The following LHFPL3 variants were observed in gnomAD, a reference collection of about 807,000 sequenced individuals.
The protein encoded by LHFPL3 is LHFPL tetraspan subfamily member 3 protein.
A neutral mutation model predicts 19.3 loss-of-function variants in LHFPL3; 5 were observed. The observed-to-expected ratio is 0.26, with a 90% CI of 0.14 to 0.54. The LOEUF is 0.54. Among genes scored for constraint, LHFPL3 ranks in the 20% least tolerant of loss-of-function variants. The pLI, the probability that LHFPL3 is intolerant of heterozygous loss-of-function variation, is 0.94. For missense variants in LHFPL3, 249 were observed against 307.4 expected (o/e 0.81, Z 1.42); for synonymous variants, 133 against 126.2 (o/e 1.05, Z -0.36).
intron 1 of LHFPL3, among the ~76,000 whole-genome samples, chr7:104,517,820 A>T (rs1373191508): frequency 6.6e-6 from 1 of 152,062 alleles, no homozygotes; most frequent in Non-Finnish European, 1.5e-5. Context: ...TTGCATTATT[A>T]TAACACAATT....
intron 1 of LHFPL3, among the ~76,000 whole-genome samples, chr7:104,612,465 A>G (rs1267935864): frequency 6.6e-6 from 1 of 152,188 alleles, no homozygotes; most frequent in Non-Finnish European, 1.5e-5. Context: ...GCACATCTCA[A>G]AAAGAAATGA....
At chr7:104,754,516 G>T (rs1396080479) in intron 2 of LHFPL3, among the ~76,000 whole-genome samples, 1 of 152,192 alleles carries the variant, frequency 6.6e-6, no homozygotes, top group African/African-American at 2.4e-5. Context: ...CAAATCATTT[G>T]ATGACTCTTA....
intron 1 of LHFPL3, among the ~76,000 whole-genome samples, chr7:104,429,110 GAT>G (rs751508309): frequency 3.9e-5 from 6 of 151,916 alleles, no homozygotes; most frequent in Non-Finnish European, 5.9e-5. Context: ...TTTATTAAGA[GAT>G]GTATATTTTT....
intron 2 of LHFPL3, among the ~76,000 whole-genome samples, chr7:104,888,116 C>A (rs1297191505): frequency 2.0e-5 from 3 of 152,232 alleles, no homozygotes; most frequent in Non-Finnish European, 4.4e-5. Flanking sequence ...TGTACACATA[C>A]ATACATGCTC....
Position 104,857,300 on chromosome 7 carries a change from A to G in LHFPL3, c.683-48887A>G, listed in dbSNP as rs768627793. Among the ~76,000 whole-genome samples the G allele has an allele frequency of 7.9e-5, 12 of 152,346 alleles. No individual in the cohort carries two copies. The South Asian group carries it at 1.2e-3, about 16-fold the overall frequency. ...AATGATGCTACCAAATGCAAATATA[A>G]TATCACAATGATGCCACCAAATGCA... On this transcript the variant is annotated intron_variant, in intron 2 of 2. Coordinates refer to ENST00000424859, the MANE Select transcript of LHFPL3 (RefSeq NM_199000.3).
intron 1 of LHFPL3, among the ~76,000 whole-genome samples, chr7:104,560,778 T>C (rs990132195): frequency 1.9e-4 from 28 of 147,416 alleles, no homozygotes; most frequent in Admixed American, 1.5e-3. Context: ...GATGTTAGGG[T>C]GTCAATTTTG....
intron 1 of LHFPL3, among the ~76,000 whole-genome samples, chr7:104,685,228 T>C (rs1212201652): frequency 6.6e-6 from 1 of 152,128 alleles, no homozygotes; most frequent in Non-Finnish European, 1.5e-5. Flanking sequence ...ATGCCTGTAG[T>C]CCCAGCTACT....
At chr7:104,574,377 A>AT (rs1199992623) in intron 1 of LHFPL3, among the ~76,000 whole-genome samples, 2 of 152,206 alleles carry the variant, frequency 1.3e-5, no homozygotes, top group Admixed American at 1.3e-4. Flanking sequence ...AAGTCCTATA[A>AT]TATCATTAAT....
chr7:104,565,737 A>T (rs1269696734), intron 1 of LHFPL3, among the ~76,000 whole-genome samples: 3 of 146,160 alleles, frequency 2.1e-5, no homozygotes, highest in African/African-American at 8.1e-5. Context: ...CTATCTATCT[A>T]TCTATCTATC....
intron 1 of LHFPL3, among the ~76,000 whole-genome samples, chr7:104,525,641 C>G (rs112587066): frequency 0.017 from 2,407 of 145,382 alleles, 39 homozygotes; most frequent in Non-Finnish European, 0.024. Flanking sequence ...GAGTCTCACT[C>G]TGTTGCCCAG....
At chr7:104,359,303 T>A (rs1380151830) in intron 1 of LHFPL3, among the ~76,000 whole-genome samples, 4 of 152,242 alleles carry the variant, frequency 2.6e-5, no homozygotes, top group African/African-American at 9.6e-5. Context: ...AGACACCTGA[T>A]AGAGCCTTCA....
In LHFPL3 at chr7:104,838,073, A is replaced by G. The variant is rs117472482; in HGVS notation, c.683-68114A>G. 3.5e-3 allele frequency among the ~76,000 whole-genome samples: 526 copies of G among 152,254 alleles called. 14 individuals are homozygous for G. The East Asian group carries it at 0.056, about 16-fold the overall frequency. On this transcript the variant is annotated intron_variant, in intron 2 of 2. Coordinates refer to ENST00000424859, the MANE Select transcript of LHFPL3 (RefSeq NM_199000.3). ...AGCTCCAGTAATCAGAGCTTAACCT[A>G]CATAAGGACTTACGGGTATAACTTA...
intron 2 of LHFPL3, among the ~76,000 whole-genome samples, chr7:104,801,229 G>A (rs1790239103): frequency 6.6e-6 from 1 of 152,118 alleles, no homozygotes; most frequent in African/African-American, 2.4e-5. Context: ...TGACCCCAAG[G>A]ACCAAGCATG....
At chr7:104,468,427 T>G (rs1792836008) in intron 1 of LHFPL3, among the ~76,000 whole-genome samples, 1 of 152,218 alleles carries the variant, frequency 6.6e-6, no homozygotes, top group African/African-American at 2.4e-5. Flanking sequence ...GCAGGTTGGC[T>G]GGTGTTGTCA....
chr7:104,736,731 G>A lies in LHFPL3; in HGVS notation c.502G>A (p.Val168Ile). 6.2e-7 allele frequency: 1 copy of A among 1,613,772 alleles called. No homozygotes were observed. Among genetic ancestry groups the A allele is most frequent in the Non-Finnish European group, 8.5e-7 (1 of 1,179,832 alleles). Residue 168 changes from valine (V) to isoleucine (I), a missense_variant, in exon 2 of 3, where the codon GTA becomes ATA. Transcript: ENST00000424859. ...IFPDGWDSDE[V>I]KRMCGEKTDK... ...CCCTGATGGCTGGGACTCAGATGAAGTAAAACGGATGTGTGGAGAAAAGAC... is the reference window on the plus strand; with the variant it reads ...CCCTGATGGCTGGGACTCAGATGAAATAAAACGGATGTGTGGAGAAAAGAC...
At chr7:104,365,831 T>G (rs1487971407) in intron 1 of LHFPL3, among the ~76,000 whole-genome samples, 1 of 147,904 alleles carries the variant, frequency 6.8e-6, no homozygotes, top group Non-Finnish European at 1.5e-5. Context: ...AGCTAGGCCA[T>G]CTTCCTAGAA....
intron 1 of LHFPL3, among the ~76,000 whole-genome samples, chr7:104,467,996 G>A (rs62485101): frequency 6.6e-6 from 1 of 152,154 alleles, no homozygotes; most frequent in Non-Finnish European, 1.5e-5. Context: ...TCAGGAAAGA[G>A]GTATCTGTCT....
intron 1 of LHFPL3, among the ~76,000 whole-genome samples, chr7:104,518,365 G>A (rs1311273517): frequency 6.6e-6 from 1 of 151,998 alleles, no homozygotes; most frequent in Non-Finnish European, 1.5e-5. Flanking sequence ...AAGTTTTCCA[G>A]GGTAAAAATA....
At chr7:104,430,362 T>G (rs1791935394) in intron 1 of LHFPL3, among the ~76,000 whole-genome samples, 1 of 100,528 alleles carries the variant, frequency 9.9e-6, no homozygotes, top group Non-Finnish European at 2.1e-5. Flanking sequence ...AAATTTGCAT[T>G]TCTGTGGGTA....
Sources: gnomAD v4.1 joint callset for allele counts (sites outside exome capture counted in the v4.1 genomes callset) on GRCh38, gnomAD v4.1.1 for gene constraint, MANE v1.5 for transcripts, NCBI Gene and HGNC (gene_info 2026-07-23, HGNC 2026-07-21) for gene names.